LRRK2: variants seen among roughly 807,000 people sequenced by gnomAD.
LRRK2 encodes leucine-rich repeat serine/threonine-protein kinase 2.
LRRK2 carries 203 observed loss-of-function variants against 302.6 expected under a neutral mutation model. The ratio of observed to expected loss-of-function variants is 0.67; its 90% CI spans 0.60 to 0.75. LRRK2 has a LOEUF of 0.75. LRRK2 is among the 30% of genes least tolerant of loss of function. LRRK2 has a pLI of 0.00. For synonymous variants in LRRK2, 1,066 were observed against 1,031.9 expected (o/e 1.03, Z -0.63); for missense variants, 2,830 against 2,951.0 (o/e 0.96, Z 0.95).
chr12:40,287,623 T>TA (rs1316252336), intron 20 of LRRK2, 84 bp downstream of exon 20: 1 of 1,364,392 alleles, frequency 7.3e-7, no homozygotes, highest in African/African-American at 1.5e-5. Flanking sequence ...AAACCTGACC[T>TA]AAATCATCTG....
At chr12:40,325,719 CCT>C (rs1255135925) in intron 38 of LRRK2, among the ~76,000 whole-genome samples, 2 of 152,138 alleles carry the variant, frequency 1.3e-5, no homozygotes, top group African/African-American at 4.8e-5. Flanking sequence ...GAAGGTTATG[CCT>C]CTCTCAATTT....
At chr12:40,340,906 G>C (rs563439425) in intron 41 of LRRK2, among the ~76,000 whole-genome samples, 13 of 152,304 alleles carry the variant, frequency 8.5e-5, no homozygotes, top group African/African-American at 2.9e-4. Context: ...CAAAACCTAA[G>C]CAAGCTGACT....
intron 48 of LRRK2, among the ~76,000 whole-genome samples, 191 bp downstream of exon 48, chr12:40,363,745 T>C (rs1369970313): frequency 6.6e-6 from 1 of 152,034 alleles, no homozygotes; most frequent in East Asian, 1.9e-4. Context: ...CATAAAAGAA[T>C]AGGCACATAA....
intron 28 of LRRK2, among the ~76,000 whole-genome samples, chr12:40,307,720 A>T (rs957919085): frequency 6.6e-6 from 1 of 151,270 alleles, no homozygotes; most frequent in Non-Finnish European, 1.5e-5. Flanking sequence ...TTTCTATGTC[A>T]TATGGACTTT....
chr12:40,330,594 T>C (rs1463852826), intron 39 of LRRK2, among the ~76,000 whole-genome samples: 1 of 152,176 alleles, frequency 6.6e-6, no homozygotes, highest in Non-Finnish European at 1.5e-5. Context: ...TATTATTTCC[T>C]CCCTAACATT....
chr12:40,356,622 T>C (rs2137017179), intron 46 of LRRK2, among the ~76,000 whole-genome samples: 1 of 152,332 alleles, frequency 6.6e-6, no homozygotes, highest in East Asian at 1.9e-4. Context: ...CATTTCTCTA[T>C]CCATCTATTC....
intron 28 of LRRK2, 141 bp downstream of exon 28, chr12:40,306,107 C>T: frequency 1.5e-6 from 1 of 646,728 alleles, no homozygotes; most frequent in Non-Finnish European, 2.6e-6. Flanking sequence ...GTGTCATTTG[C>T]CTTTCATTTA....
intron 18 of LRRK2, among the ~76,000 whole-genome samples, chr12:40,282,677 T>G (rs941453227): frequency 6.6e-5 from 10 of 152,160 alleles, no homozygotes; most frequent in African/African-American, 2.4e-4. Context: ...CAGAGCTCTG[T>G]AGTGCTTTGA....
intron 7 of LRRK2, 105 bp downstream of exon 7, chr12:40,243,786 T>A (rs1941850881): frequency 9.1e-7 from 1 of 1,100,332 alleles, no homozygotes. Flanking sequence ...TTGACATACT[T>A]TGAATGAAAA....
chr12:40,277,198 A>C (rs1202048034), intron 16 of LRRK2, among the ~76,000 whole-genome samples: 1 of 152,186 alleles, frequency 6.6e-6, no homozygotes, highest in Non-Finnish European at 1.5e-5. Context: ...GCTTTACCCA[A>C]CCTAAATAAT....
intron 2 of LRRK2, among the ~76,000 whole-genome samples, chr12:40,230,445 C>G (rs1045572860): frequency 2.0e-5 from 3 of 152,118 alleles, no homozygotes; most frequent in Non-Finnish European, 4.4e-5. Context: ...TAGCCTCTTC[C>G]CTGTAGCAGC....
At chr12:40,253,149 G>T in intron 11 of LRRK2, 133 bp downstream of exon 11, 1 of 621,220 alleles carries the variant, frequency 1.6e-6, no homozygotes, top group Non-Finnish European at 2.9e-6. Flanking sequence ...TCTATGTGTA[G>T]AGATGTATTG....
chr12:40,259,228 C>T (rs1205315500), intron 12 of LRRK2, among the ~76,000 whole-genome samples: 3 of 152,088 alleles, frequency 2.0e-5, no homozygotes, highest in Non-Finnish European at 2.9e-5. Flanking sequence ...ATTGACCCAT[C>T]GTAGGTCAGA....
chr12:40,321,508 C>A (rs1945401202), intron 35 of LRRK2, among the ~76,000 whole-genome samples: 1 of 151,526 alleles, frequency 6.6e-6, no homozygotes. Flanking sequence ...AAGACATTTA[C>A]AAAAAAAGAG....
chr12:40,322,263 C>A, intron 36 of LRRK2, 56 bp from the exon 37 acceptor site: 1 of 1,597,150 alleles, frequency 6.3e-7, no homozygotes, highest in Non-Finnish European at 8.6e-7. Flanking sequence ...TACCTTAAAG[C>A]TTTGCGACAG....
chr12:40,250,871 G>GCCA, intron 8 of LRRK2, among the ~76,000 whole-genome samples: 1 of 152,128 alleles, frequency 6.6e-6, no homozygotes, highest in South Asian at 2.1e-4. Context: ...GTATTCCATG[G>GCCA]TATATATGTA....
At chr12:40,259,374 C>G in intron 12 of LRRK2, 106 bp from the exon 13 acceptor site, 1 of 1,384,760 alleles carries the variant, frequency 7.2e-7, no homozygotes, top group Non-Finnish European at 1.0e-6. Flanking sequence ...ATAGTCTTTC[C>G]TGATAAAATA....
chr12:40,226,780 T>C lies in LRRK2; in HGVS notation c.237+1140T>C, dbSNP rs1396783347. 5.9e-5 allele frequency among the ~76,000 whole-genome samples: 9 copies of C among 152,342 alleles called. No individual in the cohort carries two copies. In the East Asian group the frequency reaches 1.3e-3, roughly 23 times the overall value. On this transcript the variant is annotated intron_variant, in intron 2 of 50. Transcript: ENST00000298910. ...AAGTCGGAATTTTGCCTGTGGAATA[T>C]GAGTCACTTTTTGGGCACTGGCCTA...
At position 40,278,240 on chromosome 12, in the gene LRRK2, G is replaced by A. The variant is rs1943543639; in HGVS notation, c.2220G>A (p.Glu740=). Residue 740 remains glutamate, a synonymous_variant, in exon 18 of 51, where the codon GAG becomes GAA. Coordinates refer to ENST00000298910, the MANE Select transcript of LRRK2 (RefSeq NM_198578.4). ...GAGCAGATGCCAATCAAGCAAAGGAGGGATCTTCTTTAATTTGTCAGGTAA... is the reference window on the plus strand; with the variant it reads ...GAGCAGATGCCAATCAAGCAAAGGAAGGATCTTCTTTAATTTGTCAGGTAA... ...LLGADANQAK[E]GSSLICQVCE... The A allele has an allele frequency of 1.2e-6, 2 of 1,614,072 alleles. No individual in the cohort carries two copies. Among genetic ancestry groups the A allele is most frequent in the South Asian group, 1.1e-5 (1 of 91,080 alleles).
Sources: gnomAD v4.1 joint callset for allele counts (sites outside exome capture counted in the v4.1 genomes callset) on GRCh38, gnomAD v4.1.1 for gene constraint, MANE v1.5 for transcripts, NCBI Gene and HGNC (gene_info 2026-07-23, HGNC 2026-07-21) for gene names.